Variants in PTPRR observed in about 807,000 individuals in gnomAD.
PTPRR encodes protein tyrosine phosphatase receptor type R.
Under a neutral mutation model 77.2 loss-of-function variants are expected in PTPRR, and 38 were observed. The ratio of observed to expected loss-of-function variants is 0.49; its 90% confidence interval spans 0.38 to 0.65. The LOEUF (loss-of-function observed/expected upper bound fraction) is 0.65. Ranked by LOEUF, PTPRR falls within the 30% of genes least tolerant of loss-of-function variation. PTPRR has a pLI of 0.00. For synonymous variants in PTPRR, 299 were observed against 283.1 expected (o/e 1.06, Z -0.57); for missense variants, 744 against 799.2 (o/e 0.93, Z 0.83).
chr12:70,717,776 G>A (rs1344750902), intron 6 of PTPRR, among the ~76,000 whole-genome samples: 1 of 152,152 alleles, frequency 6.6e-6, no homozygotes, highest in Non-Finnish European at 1.5e-5. Flanking sequence ...GCATGGCAGG[G>A]ATTTGTAGGT....
intron 8 of PTPRR, among the ~76,000 whole-genome samples, chr12:70,695,795 C>A (rs1888211197): frequency 6.6e-6 from 1 of 152,032 alleles, no homozygotes; most frequent in Admixed American, 6.6e-5. Flanking sequence ...CACTTTCATC[C>A]CCTTTGGCCA....
Position 70,852,917 on chromosome 12 carries a change from C to T in PTPRR, c.357+39762G>A, listed in dbSNP as rs74102029. ...CTTGGTGTGCATGCCTTATGATTTACGGGCAGGATCTTGGGGCTTTCAAAA... is the reference window on the plus strand; with the variant it reads ...CTTGGTGTGCATGCCTTATGATTTATGGGCAGGATCTTGGGGCTTTCAAAA... On this transcript the variant is annotated intron_variant, in intron 2 of 13. Coordinates refer to ENST00000283228, the MANE Select transcript of PTPRR (RefSeq NM_002849.4). 3.1e-3 allele frequency among the ~76,000 whole-genome samples: 465 copies of T among 152,182 alleles called. 4 individuals are homozygous for T. Among genetic ancestry groups the T allele is most frequent in the African/African-American group, 0.011 (443 of 41,528 alleles).
At chr12:70,770,804 C>T (rs1890953626) in intron 2 of PTPRR, among the ~76,000 whole-genome samples, 2 of 152,048 alleles carry the variant, frequency 1.3e-5, no homozygotes, top group Non-Finnish European at 1.5e-5. Flanking sequence ...CACATATACA[C>T]CACGGAATAC....
chr12:70,653,213 G>T (rs1886458982), intron 13 of PTPRR, among the ~76,000 whole-genome samples: 1 of 152,154 alleles, frequency 6.6e-6, no homozygotes, highest in South Asian at 2.1e-4. Flanking sequence ...AGCAGCTCTG[G>T]CTGACTGAGT....
At chr12:70,707,138 A>G (rs547322133) in intron 6 of PTPRR, among the ~76,000 whole-genome samples, 1 of 152,096 alleles carries the variant, frequency 6.6e-6, no homozygotes, top group Non-Finnish European at 1.5e-5. Context: ...AGTTGGGACT[A>G]TTTTTCATAC....
intron 2 of PTPRR, among the ~76,000 whole-genome samples, chr12:70,766,340 C>G (rs967204850): frequency 2.0e-5 from 3 of 152,074 alleles, no homozygotes; most frequent in African/African-American, 7.3e-5. Context: ...GAGCTGAAAG[C>G]CAAGGCTTGA....
rs376982227 is a variant in PTPRR, at chr12:70,779,997, CT to C, written c.358-15220del. The stretch of plus-strand genomic sequence containing the variant: ...AGTCTCATCAACTTTTTGAAACTCA[CT>C]TTTTTTTTTTTTAAGACAGAGTCTC... On this transcript the variant is annotated intron_variant, in intron 2 of 13. Transcript: ENST00000283228. 1.5e-3 allele frequency among the ~76,000 whole-genome samples: 216 copies of C among 145,896 alleles called. No homozygotes were observed. The South Asian group carries it at 0.016, about 11-fold the overall frequency.
chr12:70,655,637 C>A (rs1012283468), intron 13 of PTPRR, among the ~76,000 whole-genome samples: 1 of 152,162 alleles, frequency 6.6e-6, no homozygotes, highest in African/African-American at 2.4e-5. Context: ...AATAAGCCAG[C>A]CACAAACAGA....
At chr12:70,719,287 C>A (rs562102450) in intron 6 of PTPRR, among the ~76,000 whole-genome samples, 15 of 152,262 alleles carry the variant, frequency 9.9e-5, no homozygotes, top group Non-Finnish European at 1.8e-4. Flanking sequence ...ACTGCCAATT[C>A]GCTCCTAGGC....
Position 70,920,599 on chromosome 12 carries a change from G to A in PTPRR, c.-209C>T. The A allele has an allele frequency of 3.8e-6, 2 of 531,986 alleles. No homozygotes were observed. Among genetic ancestry groups the A allele is most frequent in the Non-Finnish European group, 6.8e-6 (2 of 293,450 alleles). The allele number at this position is 531,986 out of a possible 1,614,324, so 33.0% of individuals were successfully genotyped here. ...GAGGGAGAGAGGAAGAGCAGTAGGA[G>A]GTTGCGGGTAAGGGGAACAGAAGCG... On this transcript the variant is annotated 5_prime_UTR_variant, in exon 1 of 14. Transcript: ENST00000283228.
chr12:70,871,334 C>G (rs181270565), intron 2 of PTPRR, among the ~76,000 whole-genome samples: 1 of 152,286 alleles, frequency 6.6e-6, no homozygotes, highest in Admixed American at 6.5e-5. Flanking sequence ...CCACAAATCA[C>G]CCTTGCTCCC....
chr12:70,846,989 G>C (rs1483396949), intron 2 of PTPRR, among the ~76,000 whole-genome samples: 1 of 151,980 alleles, frequency 6.6e-6, no homozygotes, highest in Non-Finnish European at 1.5e-5. Context: ...TAAACTCCTG[G>C]CATGGGGATC....
rs577116349 is a variant in PTPRR, at chr12:70,723,425, A to G, written c.1008-22102T>C. Among the ~76,000 whole-genome samples the G allele has an allele frequency of 2.0e-5, 3 of 152,316 alleles. No homozygotes were observed. In the South Asian group the frequency reaches 6.2e-4, roughly 32 times the overall value. ...TTCTGGCAATCTGAAATCATTAAAA[A>G]GGACACAATTCAAATTTATGTTAGA... is the stretch of plus-strand genomic sequence containing the variant. On this transcript the variant is annotated intron_variant, in intron 6 of 13. Coordinates refer to ENST00000283228, the MANE Select transcript of PTPRR (RefSeq NM_002849.4).
intron 10 of PTPRR, among the ~76,000 whole-genome samples, chr12:70,673,487 C>T (rs967316766): frequency 6.6e-5 from 10 of 152,166 alleles, no homozygotes; most frequent in African/African-American, 2.4e-4. Flanking sequence ...ATCCTTAGTA[C>T]ATATGCAACA....
chr12:70,733,480 AAGAAAAAAAAAG>A (rs1565672455), intron 6 of PTPRR, among the ~76,000 whole-genome samples: 13 of 85,794 alleles, frequency 1.5e-4, no homozygotes, highest in Admixed American at 6.8e-4. Context: ...CAAAAAAAAA[AAGAAAAAAAAAG>A]AAAAAAAAAG....
At chr12:70,732,446 G>T (rs1279376250) in intron 6 of PTPRR, among the ~76,000 whole-genome samples, 1 of 152,212 alleles carries the variant, frequency 6.6e-6, no homozygotes. Flanking sequence ...CCAAGGACAT[G>T]CAGGGAGCAC....
intron 1 of PTPRR, among the ~76,000 whole-genome samples, chr12:70,900,180 A>C (rs1893506821): frequency 1.3e-5 from 2 of 151,436 alleles, no homozygotes; most frequent in African/African-American, 4.8e-5. Flanking sequence ...GAAAGGCAAA[A>C]TAAATAGAAA....
chr12:70,844,820 T>C (rs189188080), intron 2 of PTPRR, among the ~76,000 whole-genome samples: 137 of 152,306 alleles, frequency 9.0e-4, no homozygotes, highest in African/African-American at 3.2e-3. Flanking sequence ...ATGATATATG[T>C]CTAGCATTGC....
chr12:70,723,160 G>A (rs1045504881), intron 6 of PTPRR, among the ~76,000 whole-genome samples: 3 of 152,150 alleles, frequency 2.0e-5, no homozygotes, highest in Non-Finnish European at 4.4e-5. Flanking sequence ...AGGGTTTCCT[G>A]TCACCTTGGG....
Sources: allele counts gnomAD v4.1 joint callset (sites outside exome capture counted in the v4.1 genomes callset), GRCh38; gene constraint gnomAD v4.1.1; transcripts MANE v1.5; gene names NCBI Gene and HGNC (gene_info 2026-07-23, HGNC 2026-07-21).